The following GALNT17 variants were observed in gnomAD, a reference collection of about 807,000 sequenced individuals.
The protein encoded by GALNT17 is polypeptide N-acetylgalactosaminyltransferase 17.
In GALNT17, 29 loss-of-function variants were observed where a neutral mutation model predicts 63.7. The ratio of observed to expected loss-of-function variants is 0.46; its 90% confidence interval spans 0.34 to 0.62. GALNT17 has a LOEUF of 0.62. Among genes scored for constraint, GALNT17 ranks in the 20% least tolerant of loss-of-function variants. GALNT17 has a pLI of 0.01. For synonymous variants in GALNT17, 305 were observed against 318.3 expected (o/e 0.96, Z 0.45); for missense variants, 603 against 799.6 (o/e 0.75, Z 2.97).
intron 5 of GALNT17, among the ~76,000 whole-genome samples, chr7:71,452,444 G>T (rs113373114): frequency 0.071 from 10,750 of 151,974 alleles, 527 homozygotes; most frequent in East Asian, 0.16. Flanking sequence ...TACTCAGGAG[G>T]CTGAGGCAGG....
intron 5 of GALNT17, among the ~76,000 whole-genome samples, chr7:71,462,088 G>A (rs938828797): frequency 7.2e-5 from 11 of 152,094 alleles, no homozygotes; most frequent in African/African-American, 2.7e-4. Flanking sequence ...GAGCTGCTCT[G>A]GGCTAGATTC....
intron 1 of GALNT17, among the ~76,000 whole-genome samples, chr7:71,218,598 A>T (rs1374461370): frequency 7.2e-5 from 11 of 152,222 alleles, no homozygotes; most frequent in African/African-American, 2.4e-4. Context: ...CCTGTTAGGA[A>T]CCTGGCCTCA....
chr7:71,712,333 C>A lies in GALNT17; in HGVS notation c.*187C>A. The A allele has an allele frequency of 1.6e-6, 1 of 620,772 alleles. No homozygotes were observed. The highest frequency in any genetic ancestry group is 2.6e-6 in the Non-Finnish European group (1 of 385,140). The allele number at this position is 620,772 out of a possible 1,614,324, so 38.5% of individuals were successfully genotyped here. ...CTGTCCCCCCTCAGGCATTCAGCTG[C>A]CCACAAGTTTCCTGCACCCTGGAAA... On this transcript the variant is annotated 3_prime_UTR_variant, in exon 11 of 11. Coordinates refer to ENST00000333538, the MANE Select transcript of GALNT17 (RefSeq NM_022479.3).
intron 9 of GALNT17, among the ~76,000 whole-genome samples, chr7:71,695,116 G>C (rs933917902): frequency 6.6e-6 from 1 of 152,200 alleles, no homozygotes; most frequent in Non-Finnish European, 1.5e-5. Context: ...TGATTCCCTA[G>C]AAGTCGGAGT....
intron 6 of GALNT17, among the ~76,000 whole-genome samples, chr7:71,582,126 G>T (rs970275094): frequency 2.3e-4 from 35 of 152,042 alleles, no homozygotes; most frequent in African/African-American, 8.5e-4. Flanking sequence ...GTAGAACTAC[G>T]ATTTGATCCA....
chr7:71,337,898 C>CA (rs1791938417), intron 2 of GALNT17, among the ~76,000 whole-genome samples: 1 of 151,538 alleles, frequency 6.6e-6, no homozygotes, highest in Non-Finnish European at 1.5e-5. Context: ...CAAACAACAA[C>CA]AACAAAAAAA....
At chr7:71,580,117 AGATT>A (rs1479511119) in intron 6 of GALNT17, among the ~76,000 whole-genome samples, 1 of 152,162 alleles carries the variant, frequency 6.6e-6, no homozygotes, top group Non-Finnish European at 1.5e-5. Context: ...ATTATAGATT[AGATT>A]GATAATAGAG....
chr7:71,299,453 G>A (rs141159555), intron 1 of GALNT17, among the ~76,000 whole-genome samples: 170 of 152,294 alleles, frequency 1.1e-3, no homozygotes, highest in African/African-American at 3.9e-3. Flanking sequence ...TAAGGAAACC[G>A]AGGCTGATGC....
At chr7:71,563,615 G>A (rs1274802776) in intron 5 of GALNT17, among the ~76,000 whole-genome samples, 1 of 151,986 alleles carries the variant, frequency 6.6e-6, no homozygotes. Flanking sequence ...TTGAGACAGG[G>A]TCTCACTCTG....
At chr7:71,542,601 CAGG>C (rs1788911797) in intron 5 of GALNT17, among the ~76,000 whole-genome samples, 1 of 148,206 alleles carries the variant, frequency 6.7e-6, no homozygotes, top group Admixed American at 6.9e-5. Flanking sequence ...GAGGCTGAGA[CAGG>C]AGAATCGCTT....
intron 5 of GALNT17, among the ~76,000 whole-genome samples, chr7:71,482,894 C>G (rs1318403662): frequency 6.6e-6 from 1 of 152,102 alleles, no homozygotes; most frequent in Non-Finnish European, 1.5e-5. Flanking sequence ...CAAGAGTGTT[C>G]ATGCTCCTAT....
At chr7:71,278,765 T>G (rs1031827306) in intron 1 of GALNT17, among the ~76,000 whole-genome samples, 1 of 152,114 alleles carries the variant, frequency 6.6e-6, no homozygotes, top group Non-Finnish European at 1.5e-5. Context: ...GAGAACAGCA[T>G]GAGGGTAACC....
At chr7:71,550,386 T>C (rs190619160) in intron 5 of GALNT17, among the ~76,000 whole-genome samples, 10 of 152,248 alleles carry the variant, frequency 6.6e-5, no homozygotes, top group African/African-American at 2.4e-4. Flanking sequence ...GTGTGTGTTT[T>C]TTTTGTTCTT....
intron 5 of GALNT17, among the ~76,000 whole-genome samples, chr7:71,487,306 A>T (rs547645251): frequency 3.5e-4 from 54 of 152,242 alleles, no homozygotes; most frequent in African/African-American, 1.2e-3. Context: ...TGTCTGGAGG[A>T]GGAAAAACAT....
intron 6 of GALNT17, among the ~76,000 whole-genome samples, chr7:71,613,722 G>C (rs369087624): frequency 6.6e-6 from 1 of 151,820 alleles, no homozygotes; most frequent in African/African-American, 2.4e-5. Context: ...GGGAGGCTGA[G>C]GCAAGAGGAT....
At chr7:71,637,455 C>G (rs1790543683) in intron 6 of GALNT17, among the ~76,000 whole-genome samples, 1 of 150,892 alleles carries the variant, frequency 6.6e-6, no homozygotes, top group African/African-American at 2.4e-5. Flanking sequence ...TCCCAAAGTG[C>G]TGGGATTACA....
chr7:71,710,995 A>C, intron 10 of GALNT17, 67 bp downstream of exon 10: 1 of 1,555,454 alleles, frequency 6.4e-7, no homozygotes. Context: ...ACAGAGGGGA[A>C]TCCTGCTTCC....
intron 1 of GALNT17, among the ~76,000 whole-genome samples, chr7:71,250,673 A>C (rs1236214238): frequency 6.6e-6 from 1 of 152,168 alleles, no homozygotes; most frequent in Non-Finnish European, 1.5e-5. Context: ...TCAGAATATA[A>C]ATTTACCGTA....
At chr7:71,231,003 C>G (rs1270682319) in intron 1 of GALNT17, among the ~76,000 whole-genome samples, 1 of 151,974 alleles carries the variant, frequency 6.6e-6, no homozygotes, top group Non-Finnish European at 1.5e-5. Context: ...GATGCAGGAA[C>G]AAATTTGAGA....
Sources: gnomAD v4.1 joint callset for allele counts (sites outside exome capture counted in the v4.1 genomes callset) on GRCh38, gnomAD v4.1.1 for gene constraint, MANE v1.5 for transcripts, NCBI Gene and HGNC (gene_info 2026-07-23, HGNC 2026-07-21) for gene names.